Variants in RMND1 observed in about 807,000 individuals in gnomAD.
RMND1 encodes the protein required for meiotic nuclear division 1 homolog.
Under a neutral mutation model 54.0 loss-of-function variants are expected in RMND1, and 41 were observed. The observed-to-expected ratio is 0.76, with a 90% CI of 0.59 to 0.98. The LOEUF is 0.98. RMND1 is among the 50% of genes least tolerant of loss of function. The pLI is 0.00. For missense variants in RMND1, 457 were observed against 532.0 expected, an observed-to-expected ratio of 0.86 and a Z score of 1.39; for synonymous variants, 183 against 181.7, an observed-to-expected ratio of 1.01 and a Z score of -0.06.
At chr6:151,446,129 A>G (rs1345417661) in intron 1 of RMND1, 1 of 252,786 alleles carries the variant, frequency 4.0e-6, no homozygotes, top group Non-Finnish European at 7.6e-6. Flanking sequence ...CAAGTATATA[A>G]AAATCTGTGC....
At chr6:151,427,289 T>C (rs995442147) in intron 6 of RMND1, among the ~76,000 whole-genome samples, 193 bp downstream of exon 6, 3 of 151,972 alleles carry the variant, frequency 2.0e-5, no homozygotes, top group African/African-American at 7.2e-5. Flanking sequence ...GGCAGGAGAA[T>C]TGCTTGAACC....
chr6:151,427,236 C>CGTG (rs1387901053), intron 6 of RMND1, among the ~76,000 whole-genome samples: 1 of 151,940 alleles, frequency 6.6e-6, no homozygotes, highest in Non-Finnish European at 1.5e-5. Context: ...ATTAGCTGGG[C>CGTG]GTGGTGGTGC....
At chr6:151,445,119 T>A in intron 2 of RMND1, 189 bp downstream of exon 2, 1 of 552,670 alleles carries the variant, frequency 1.8e-6, no homozygotes, top group Non-Finnish European at 3.1e-6. Context: ...TTTTTATATG[T>A]ATCATTAATT....
At chr6:151,436,784 A>C in intron 2 of RMND1, 1 of 409,852 alleles carries the variant, frequency 2.4e-6, no homozygotes, top group Non-Finnish European at 4.5e-6. Context: ...CCAGGCAAAA[A>C]GATGGAATGG....
intron 10 of RMND1, among the ~76,000 whole-genome samples, chr6:151,406,055 T>G (rs1779609818): frequency 6.6e-6 from 1 of 152,248 alleles, no homozygotes; most frequent in African/African-American, 2.4e-5. Context: ...CTTCTATTTG[T>G]AAGATTTTGA....
At chr6:151,408,095 G>A (rs901460303) in intron 10 of RMND1, among the ~76,000 whole-genome samples, 1 of 152,068 alleles carries the variant, frequency 6.6e-6, no homozygotes, top group African/African-American at 2.4e-5. Flanking sequence ...GATGCTGGTG[G>A]GGTTATTGGG....
chr6:151,413,024 T>C (rs940343436), intron 10 of RMND1, among the ~76,000 whole-genome samples: 5 of 152,148 alleles, frequency 3.3e-5, no homozygotes, highest in African/African-American at 1.2e-4. Context: ...TGAAGCACAC[T>C]GCCATGTTGT....
intron 1 of RMND1, among the ~76,000 whole-genome samples, chr6:151,450,063 GC>G (rs924502758): frequency 2.0e-5 from 3 of 152,116 alleles, no homozygotes; most frequent in African/African-American, 4.8e-5. Flanking sequence ...CCTCTGCCTG[GC>G]CCCCCATCGT....
intron 3 of RMND1, among the ~76,000 whole-genome samples, chr6:151,435,806 A>G (rs902292024): frequency 1.3e-5 from 2 of 151,364 alleles, no homozygotes; most frequent in Admixed American, 1.3e-4. Flanking sequence ...TGGTTCTTCT[A>G]TAAGACTAAA....
At chr6:151,409,105 G>A (rs1045141953) in intron 10 of RMND1, among the ~76,000 whole-genome samples, 2 of 152,206 alleles carry the variant, frequency 1.3e-5, no homozygotes, top group African/African-American at 2.4e-5. Flanking sequence ...GCCAAAGGGT[G>A]CAGAGAGACT....
chr6:151,424,708 AG>A (rs1418578709), intron 6 of RMND1, among the ~76,000 whole-genome samples: 2 of 152,142 alleles, frequency 1.3e-5, no homozygotes, highest in African/African-American at 2.4e-5. Context: ...GAGGGAGGCA[AG>A]GAAGTTGTGA....
chr6:151,447,577 A>C (rs905075827), intron 1 of RMND1, among the ~76,000 whole-genome samples: 1 of 152,160 alleles, frequency 6.6e-6, no homozygotes, highest in Non-Finnish European at 1.5e-5. Context: ...ACCTCTCTTC[A>C]GGATAAGGAC....
At chr6:151,440,789 G>A (rs1277213542) in intron 2 of RMND1, among the ~76,000 whole-genome samples, 1 of 151,898 alleles carries the variant, frequency 6.6e-6, no homozygotes, top group Non-Finnish European at 1.5e-5. Context: ...TAGCCTATTT[G>A]GTAAAAGGAA....
At chr6:151,449,553 C>T (rs958560923) in intron 1 of RMND1, among the ~76,000 whole-genome samples, 3 of 152,116 alleles carry the variant, frequency 2.0e-5, no homozygotes, top group Admixed American at 6.5e-5. Context: ...ACACCCTCAC[C>T]TCCTTCAGAT....
chr6:151,443,946 A>G (rs1780869798), intron 2 of RMND1, among the ~76,000 whole-genome samples: 1 of 152,190 alleles, frequency 6.6e-6, no homozygotes, highest in Admixed American at 6.5e-5. Context: ...CATGTCAACT[A>G]TTTGCTCTAA....
chr6:151,439,979 C>T (rs181209840), intron 2 of RMND1, among the ~76,000 whole-genome samples: 10 of 152,024 alleles, frequency 6.6e-5, no homozygotes, highest in Admixed American at 3.3e-4. Flanking sequence ...TTTTTTGAGA[C>T]GGAGTCTTCC....
rs113489793 is a variant in RMND1 at position 151,410,347 on chromosome 6, A to G, written c.1201-4511T>C. Among the ~76,000 whole-genome samples, 757 of 152,100 alleles carry G rather than the reference A, an allele frequency of 5.0e-3. 6 individuals carry two copies. The highest frequency in any genetic ancestry group is 0.017 in the South Asian group (84 of 4,818). On this transcript the variant is annotated intron_variant, in intron 10 of 11. Coordinates refer to ENST00000444024, the MANE Select transcript of RMND1 (RefSeq NM_017909.4). Reference sequence around the variant, plus strand: ...TGGGATTACAGGCATGAGCCACCGCACCCGGCCTGTTCCATCTGTTTTCTT... The same window carrying G: ...TGGGATTACAGGCATGAGCCACCGCGCCCGGCCTGTTCCATCTGTTTTCTT...
In RMND1 at chr6:151,430,697, G is replaced by A. The variant is rs371676627; in HGVS notation, c.690-520C>T. On this transcript the variant is annotated intron_variant, in intron 4 of 11. Transcript: ENST00000444024. ...GGAACAGAACTACAGTGACACCACA[G>A]GAGGCCCTCTGAATCCGATTATGGC... 7.2e-4 allele frequency among the ~76,000 whole-genome samples: 110 copies of A among 152,308 alleles called. 1 individual carries two copies. Among genetic ancestry groups the A allele is most frequent in the African/African-American group, 2.5e-3 (106 of 41,570 alleles).
rs1196179779 is a variant in RMND1, at chr6:151,433,235, G to A, written c.614-5C>T. 6.2e-7 allele frequency: 1 copy of A among 1,604,654 alleles called. No individual in the cohort carries two copies. ...TCACCAAAATATTTGCTGCATCTGT[G>A]ATTTAAAATAAACGAACAAAAAAGC... is the stretch of plus-strand genomic sequence containing the variant. On this transcript the variant is annotated splice_polypyrimidine_tract_variant and splice_region_variant and intron_variant, in intron 3 of 11. Coordinates refer to ENST00000444024, the MANE Select transcript of RMND1 (RefSeq NM_017909.4).
Sources: gnomAD v4.1 joint callset for allele counts (sites outside exome capture counted in the v4.1 genomes callset) on GRCh38, gnomAD v4.1.1 for gene constraint, MANE v1.5 for transcripts, NCBI Gene and HGNC (gene_info 2026-07-23, HGNC 2026-07-21) for gene names.